TMEM132D: variants seen among roughly 807,000 people sequenced by gnomAD.
TMEM132D encodes mature OL transmembrane protein.
Under a neutral mutation model 62.3 loss-of-function variants are expected in TMEM132D, and 21 were observed. That is an observed-to-expected ratio of 0.34 (90% CI 0.24 to 0.49). The LOEUF is 0.49. Ranked by LOEUF, TMEM132D falls within the 20% of genes least tolerant of loss-of-function variation. The probability of loss-of-function intolerance (pLI) is 0.99; values close to 1 mark genes in which losing one functional copy is unlikely to be tolerated. For missense variants in TMEM132D, 1,346 were observed against 1,402.8 expected (o/e 0.96, Z 0.65); for synonymous variants, 621 against 575.6 (o/e 1.08, Z -1.13).
chr12:129,230,257 A>AG (rs1488020036), intron 4 of TMEM132D, among the ~76,000 whole-genome samples: 2 of 149,246 alleles, frequency 1.3e-5, no homozygotes, highest in Admixed American at 1.3e-4. Context: ...CCTTCTGTGT[A>AG]GGGGTCTCCC....
Position 129,140,712 on chromosome 12 carries a change from G to A in TMEM132D, c.1444-56010C>T, listed in dbSNP as rs1056570727. ...AAATTAGACAGGCATGGTGGAAGGT[G>A]CTTGTAATCTCGGCTACTAGGGAGG... On this transcript the variant is annotated intron_variant, in intron 5 of 8. Coordinates refer to ENST00000422113, the MANE Select transcript of TMEM132D (RefSeq NM_133448.3). Among the ~76,000 whole-genome samples the A allele has an allele frequency of 2.0e-5, 3 of 152,004 alleles. No homozygotes were observed. In the South Asian group the frequency reaches 6.3e-4, roughly 32 times the overall value.
intron 4 of TMEM132D, among the ~76,000 whole-genome samples, chr12:129,217,753 A>G (rs1425168702): frequency 6.6e-6 from 1 of 152,234 alleles, no homozygotes. Flanking sequence ...GTTAATAGAC[A>G]TGAGACAGTA....
At chr12:129,774,217 A>T (rs1870847792) in intron 1 of TMEM132D, among the ~76,000 whole-genome samples, 1 of 152,170 alleles carries the variant, frequency 6.6e-6, no homozygotes, top group Non-Finnish European at 1.5e-5. Context: ...GCCACATGGG[A>T]ACACATTGTA....
chr12:129,358,357 G>A (rs1323485956), intron 3 of TMEM132D, among the ~76,000 whole-genome samples: 2 of 152,162 alleles, frequency 1.3e-5, no homozygotes, highest in Non-Finnish European at 2.9e-5. Flanking sequence ...GGTTAAAGAT[G>A]AGCTAAAGAA....
At chr12:129,223,659 G>A (rs1026238058) in intron 4 of TMEM132D, among the ~76,000 whole-genome samples, 2 of 152,136 alleles carry the variant, frequency 1.3e-5, no homozygotes, top group East Asian at 1.9e-4. Flanking sequence ...CCCGCCTCCC[G>A]CTTTGCAAGA....
At position 129,513,808 on chromosome 12, in the gene TMEM132D, A is replaced by T. The variant is rs865820255; in HGVS notation, c.1115+17251T>A. Among the ~76,000 whole-genome samples, 501 of 100,166 alleles carry T rather than the reference A, an allele frequency of 5.0e-3. 2 individuals carry two copies. The highest frequency in any genetic ancestry group is 5.8e-3 in the Non-Finnish European group (284 of 48,986). 65.7% of individuals were successfully genotyped at this position (100,166 alleles called of 152,430 possible). A position where few individuals can be genotyped will look rare whatever the true frequency, so the allele number is the denominator to read the frequency against. On this transcript the variant is annotated intron_variant, in intron 3 of 8. Transcript: ENST00000422113. ...CCAATGGGGACCAATTTTTATTTTT[A>T]TTTATTTATTTATTTATTTATTTAT...
At chr12:129,496,271 A>G (rs1212575165) in intron 3 of TMEM132D, among the ~76,000 whole-genome samples, 1 of 152,226 alleles carries the variant, frequency 6.6e-6, no homozygotes, top group East Asian at 1.9e-4. Flanking sequence ...GTGAGTTTTC[A>G]GGTATATGTG....
rs988591847 is a variant in TMEM132D, at chr12:129,653,314, C to T, written c.968+46496G>A. On this transcript the variant is annotated intron_variant, in intron 2 of 8. Coordinates refer to ENST00000422113, the MANE Select transcript of TMEM132D (RefSeq NM_133448.3). ...ATCATCATCACACAGCCAGGGCTTC[C>T]GGCTAAGTGCAATGTGAAGGTGCTG... Among the ~76,000 whole-genome samples, 18 of 152,116 alleles carry T rather than the reference C, an allele frequency of 1.2e-4. 1 individual carries two copies. Among genetic ancestry groups the T allele is most frequent in the African/African-American group, 2.4e-5 (1 of 41,430 alleles).
intron 1 of TMEM132D, among the ~76,000 whole-genome samples, chr12:129,844,129 A>G (rs933448339): frequency 6.6e-6 from 1 of 152,106 alleles, no homozygotes; most frequent in African/African-American, 2.4e-5. Flanking sequence ...AGAACTTATG[A>G]AGTGCCATGG....
intron 5 of TMEM132D, chr12:129,086,135 C>T (rs1393108797): frequency 6.6e-6 from 1 of 152,172 alleles, no homozygotes; most frequent in Non-Finnish European, 1.5e-5. Context: ...TTTTGATCTA[C>T]ATGTGTACTG....
intron 2 of TMEM132D, among the ~76,000 whole-genome samples, chr12:129,680,166 A>G (rs1403298374): frequency 6.6e-6 from 1 of 152,230 alleles, no homozygotes; most frequent in Non-Finnish European, 1.5e-5. Context: ...GGGAATGGAA[A>G]TAAGGGCAAA....
intron 1 of TMEM132D, among the ~76,000 whole-genome samples, chr12:129,705,045 G>C (rs932028468): frequency 3.9e-5 from 6 of 152,136 alleles, no homozygotes; most frequent in African/African-American, 1.2e-4. Context: ...GCAGAAAATT[G>C]AATTTATCAT....
chr12:129,530,990 G>GAAAAA (rs71082733), intron 3 of TMEM132D, 69 bp downstream of exon 3: 139,873 of 1,240,622 alleles, frequency 0.11, 2,803 homozygotes, highest in East Asian at 0.23. Context: ...AGCAATCTAG[G>GAAAAA]AAAAAAAAAA....
chr12:129,702,196 C>G (rs573835650), intron 1 of TMEM132D, among the ~76,000 whole-genome samples: 1 of 152,190 alleles, frequency 6.6e-6, no homozygotes, highest in Non-Finnish European at 1.5e-5. Context: ...AAACTCAGAG[C>G]AGGCTGAGCT....
chr12:129,166,057 G>A (rs7968209), intron 5 of TMEM132D, among the ~76,000 whole-genome samples: 4,801 of 152,300 alleles, frequency 0.032, 272 homozygotes, highest in African/African-American at 0.11. Flanking sequence ...GTCAGGTTCA[G>A]CGAGGTTACA....
At chr12:129,399,706 T>C (rs997172937) in intron 3 of TMEM132D, among the ~76,000 whole-genome samples, 4 of 151,776 alleles carry the variant, frequency 2.6e-5, no homozygotes, top group South Asian at 2.1e-4. Flanking sequence ...AACAATTATA[T>C]ACCTGAATAA....
At chr12:129,198,664 TA>T (rs1216396579) in intron 5 of TMEM132D, among the ~76,000 whole-genome samples, 3 of 152,210 alleles carry the variant, frequency 2.0e-5, no homozygotes, top group African/African-American at 7.2e-5. Flanking sequence ...GAGGCTTTGG[TA>T]CAAGGCTTCA....
At chr12:129,364,678 A>G (rs1327278826) in intron 3 of TMEM132D, among the ~76,000 whole-genome samples, 2 of 152,196 alleles carry the variant, frequency 1.3e-5, no homozygotes, top group Non-Finnish European at 2.9e-5. Context: ...TTATACAAAA[A>G]TGGAAGGAGT....
At chr12:129,162,734 C>T (rs1388651570) in intron 5 of TMEM132D, among the ~76,000 whole-genome samples, 2 of 152,144 alleles carry the variant, frequency 1.3e-5, no homozygotes, top group Admixed American at 6.5e-5. Flanking sequence ...TGCCTTCCAC[C>T]ATGTTTGGAA....
Sources: allele counts gnomAD v4.1 joint callset (sites outside exome capture counted in the v4.1 genomes callset), GRCh38; gene constraint gnomAD v4.1.1; transcripts MANE v1.5; gene names NCBI Gene and HGNC (gene_info 2026-07-23, HGNC 2026-07-21).